FILIP1: variants seen among roughly 807,000 people sequenced by gnomAD.
The protein encoded by FILIP1 is filamin-A-interacting protein 1.
Under a neutral mutation model 102.1 loss-of-function variants are expected in FILIP1, and 61 were observed. The observed-to-expected ratio is 0.60, with a 90% CI of 0.49 to 0.74. FILIP1 has a LOEUF of 0.74. Ranked by LOEUF, FILIP1 falls within the 30% of genes least tolerant of loss-of-function variation. The probability of loss-of-function intolerance (pLI) is 0.00; values close to 1 mark genes in which losing one functional copy is unlikely to be tolerated. For synonymous variants in FILIP1, 491 were observed against 526.9 expected, an observed-to-expected ratio of 0.93 and a Z score of 0.93; for missense variants, 1,314 against 1,441.2, an observed-to-expected ratio of 0.91 and a Z score of 1.43.
At position 75,315,065 on chromosome 6, in the gene FILIP1, A is replaced by G; in HGVS notation, c.767T>C (p.Met256Thr). 6 of 1,614,120 alleles carry G rather than the reference A, an allele frequency of 3.7e-6. No homozygotes were observed. The highest frequency in any genetic ancestry group is 5.1e-6 in the Non-Finnish European group (6 of 1,180,004). The change falls in exon 5 of 6, where the codon ATG (methionine) becomes ACG (threonine). Residue 256 changes from methionine to threonine, a missense_variant. Around this residue, in one of 3 missense-constraint regions of FILIP1, gnomAD observed 494 missense variants for 511.2 expected, o/e 0.97. Transcript: ENST00000237172. ...TTGCAGGCCAAGTTGTTCAATGTGC[A>G]TTTGTCTTTCATCCACCAGCATGAG... ...FALMLVDERQ[M>T]HIEQLGLQSQ...
intron 2 of FILIP1, among the ~76,000 whole-genome samples, chr6:75,372,709 GAAA>G (rs1562515183): frequency 4.3e-4 from 16 of 37,018 alleles, no homozygotes; most frequent in African/African-American, 2.4e-3. Context: ...AAGAAAGAAA[GAAA>G]GGAAAGAAAG....
At position 75,414,847 on chromosome 6, in the gene FILIP1, T is replaced by C. The variant is rs1777202877; in HGVS notation, c.126A>G (p.Ser42=). Residue 42 remains serine (S), a synonymous_variant, in exon 2 of 6, where the codon TCA becomes TCG. Coordinates refer to ENST00000237172, the MANE Select transcript of FILIP1 (RefSeq NM_015687.5). The stretch of plus-strand genomic sequence containing the variant: ...CCATGACATCATCCTCCTTCCTATT[T>C]GATTTCTTCTTCTTTTTTGCATCTT... ...LSEDAKKKKK[S]NRKEDDVMAS... is the part of the protein sequence containing the mutation. 6.2e-7 allele frequency: 1 copy of C among 1,613,988 alleles called. No individual in the cohort carries two copies. Among genetic ancestry groups the C allele is most frequent in the Admixed American group, 1.7e-5 (1 of 60,006 alleles).
chr6:75,409,086 G>T (rs546187013), intron 2 of FILIP1, among the ~76,000 whole-genome samples: 1 of 152,198 alleles, frequency 6.6e-6, no homozygotes, highest in Non-Finnish European at 1.5e-5. Context: ...GCTTCAGCCT[G>T]TGAGTTTACA....
intron 2 of FILIP1, among the ~76,000 whole-genome samples, chr6:75,396,745 T>A (rs1011182942): frequency 1.3e-5 from 2 of 152,028 alleles, no homozygotes; most frequent in African/African-American, 2.4e-5. Flanking sequence ...AAACAATTAG[T>A]TCTGGAGTGA....
chr6:75,326,148 T>C (rs1363054478), intron 4 of FILIP1, among the ~76,000 whole-genome samples: 1 of 150,476 alleles, frequency 6.6e-6, no homozygotes, highest in Admixed American at 6.6e-5. Flanking sequence ...CACACACACA[T>C]CATGAAATAC....
chr6:75,405,889 A>G (rs2703683), intron 2 of FILIP1, among the ~76,000 whole-genome samples: 7,331 of 152,276 alleles, frequency 0.048, 601 homozygotes, highest in African/African-American at 0.17. Flanking sequence ...CTTGCTTTAC[A>G]AGGAAGTTAA....
In FILIP1 at chr6:75,313,951, A is replaced by C. The variant is rs1266979429; in HGVS notation, c.1881T>G (p.Asn627Lys). ...KGSELTCPED[N>K]KIKELTLEIE... Reference sequence around the variant, plus strand: ...TTTCAAGTGTTAGTTCCTTAATCTTATTATCTTCCGGGCAGGTGAGCTCAG... The same window carrying C: ...TTTCAAGTGTTAGTTCCTTAATCTTCTTATCTTCCGGGCAGGTGAGCTCAG... The change falls in exon 5 of 6, where the codon AAT (asparagine) becomes AAG (lysine). Residue 627 changes from asparagine to lysine, a missense_variant. This residue lies in a region of FILIP1 where 816 missense variants were observed against 913.1 expected (regional missense o/e 0.89). Coordinates refer to ENST00000237172, the MANE Select transcript of FILIP1 (RefSeq NM_015687.5). This position sits in a 1 kb window ranked among gnomAD's most constrained non-coding sequence, Gnocchi z 4.2. 3 of 1,608,658 alleles carry C rather than the reference A, an allele frequency of 1.9e-6. No homozygotes were observed. Among genetic ancestry groups the C allele is most frequent in the Non-Finnish European group, 2.5e-6 (3 of 1,178,232 alleles).
intron 2 of FILIP1, among the ~76,000 whole-genome samples, chr6:75,392,840 T>C (rs1438490912): frequency 1.3e-5 from 2 of 152,180 alleles, no homozygotes; most frequent in Non-Finnish European, 2.9e-5. Context: ...AACACGAGAT[T>C]CTCTGCACAA....
chr6:75,308,388 A>T lies in FILIP1; in HGVS notation c.*303T>A. 8.9e-7 allele frequency: 1 copy of T among 1,119,500 alleles called. No individual in the cohort carries two copies. The highest frequency in any genetic ancestry group is 1.1e-6 in the Non-Finnish European group (1 of 895,578). 69.3% of individuals were successfully genotyped at this position (1,119,500 alleles called of 1,614,324 possible). On this transcript the variant is annotated 3_prime_UTR_variant, in exon 6 of 6. Transcript: ENST00000237172. ...GAAGAGCGTGTGATTGAGTCCCCAC[A>T]TCTAACTGATGAGGAAACAGGCTCA... is the stretch of plus-strand genomic sequence containing the variant.
At chr6:75,340,697 C>T (rs1160974406) in intron 4 of FILIP1, among the ~76,000 whole-genome samples, 4 of 151,364 alleles carry the variant, frequency 2.6e-5, no homozygotes, top group Non-Finnish European at 2.9e-5. Context: ...TATGGGTTTT[C>T]GTTTTTGTTT....
chr6:75,420,424 C>A (rs1314068298), intron 1 of FILIP1, among the ~76,000 whole-genome samples: 1 of 152,136 alleles, frequency 6.6e-6, no homozygotes, highest in African/African-American at 2.4e-5. Context: ...TAGATGGTAA[C>A]CTTTCTTACC....
intron 2 of FILIP1, among the ~76,000 whole-genome samples, chr6:75,413,868 T>C (rs919566995): frequency 6.6e-6 from 1 of 150,652 alleles, no homozygotes; most frequent in Non-Finnish European, 1.5e-5. Context: ...CCTCACTTCC[T>C]GCCTGCCTCC....
intron 1 of FILIP1, among the ~76,000 whole-genome samples, chr6:75,428,683 T>G (rs995798523): frequency 6.6e-6 from 1 of 152,206 alleles, no homozygotes; most frequent in African/African-American, 2.4e-5. Context: ...ATATTAACTG[T>G]AATTATTTCC....
intron 2 of FILIP1, among the ~76,000 whole-genome samples, chr6:75,403,390 C>T (rs1371234671): frequency 6.6e-6 from 1 of 151,514 alleles, no homozygotes; most frequent in Non-Finnish European, 1.5e-5. Context: ...TGGTGCATGC[C>T]TACAGTCCCA....
chr6:75,315,823 A>AT (rs1773426001), intron 4 of FILIP1, among the ~76,000 whole-genome samples: 1 of 152,160 alleles, frequency 6.6e-6, no homozygotes, highest in Non-Finnish European at 1.5e-5. Flanking sequence ...GAGGAGATAA[A>AT]TTTACTTTAA....
intron 2 of FILIP1, among the ~76,000 whole-genome samples, chr6:75,374,525 C>T (rs767832501): frequency 1.3e-5 from 2 of 152,236 alleles, no homozygotes; most frequent in African/African-American, 2.4e-5. Flanking sequence ...ACTACAGGCG[C>T]GTGCCACCAC....
At chr6:75,440,389 A>T (rs1190629892) in intron 1 of FILIP1, among the ~76,000 whole-genome samples, 1 of 152,168 alleles carries the variant, frequency 6.6e-6, no homozygotes, top group East Asian at 1.9e-4. Flanking sequence ...CAAGCCTGTG[A>T]TTGTGCAGGA....
intron 2 of FILIP1, among the ~76,000 whole-genome samples, chr6:75,366,325 A>C (rs1282658986): frequency 6.6e-6 from 1 of 152,238 alleles, no homozygotes; most frequent in Non-Finnish European, 1.5e-5. Context: ...CATCAGTTGT[A>C]CTGCTGGTTT....
intron 4 of FILIP1, chr6:75,319,838 A>AAAAAAG (rs1773585828): frequency 4.7e-6 from 2 of 424,898 alleles, no homozygotes; most frequent in Non-Finnish European, 8.5e-6. Flanking sequence ...CCCCAAAAAA[A>AAAAAAG]AAAAGAAAAG....
Sources: allele counts gnomAD v4.1 joint callset (sites outside exome capture counted in the v4.1 genomes callset), GRCh38; gene constraint gnomAD v4.1.1; regional missense constraint gnomAD v4.1.1; non-coding constraint Gnocchi (gnomAD v3.1); transcripts MANE v1.5; gene names NCBI Gene and HGNC (gene_info 2026-07-23, HGNC 2026-07-21).